The following GALNT3 variants were observed in gnomAD, a reference collection of about 807,000 sequenced individuals.
GALNT3 encodes the protein GalNAc transferase 3.
GALNT3 carries 51 observed loss-of-function variants against 69.8 expected under a neutral mutation model. The ratio of observed to expected loss-of-function variants is 0.73; its 90% CI spans 0.58 to 0.92. The LOEUF is 0.92. Ranked by LOEUF, GALNT3 falls within the 40% of genes least tolerant of loss-of-function variation. The pLI is 0.00. For synonymous variants in GALNT3, 265 were observed against 248.5 expected, an observed-to-expected ratio of 1.07 and a Z score of -0.63; for missense variants, 711 against 760.0, an observed-to-expected ratio of 0.94 and a Z score of 0.76.
intron 1 of GALNT3, among the ~76,000 whole-genome samples, chr2:165,786,686 G>A (rs1186928962): frequency 6.6e-6 from 1 of 152,112 alleles, no homozygotes; most frequent in Non-Finnish European, 1.5e-5. Context: ...AGAACTCATG[G>A]AAACAGAAGG....
At chr2:165,782,698 T>C (rs1426457289) in intron 1 of GALNT3, among the ~76,000 whole-genome samples, 3 of 152,182 alleles carry the variant, frequency 2.0e-5, no homozygotes, top group Non-Finnish European at 4.4e-5. Flanking sequence ...TTGGCCACAG[T>C]ATTTTTGGGT....
chr2:165,791,979 T>C (rs562036876), intron 1 of GALNT3, among the ~76,000 whole-genome samples: 1 of 152,258 alleles, frequency 6.6e-6, no homozygotes, highest in Non-Finnish European at 1.5e-5. Flanking sequence ...AGAAAAAAGA[T>C]AAACATCTTA....
chr2:165,757,349 A>G, intron 6 of GALNT3, 102 bp from the exon 7 acceptor site: 1 of 1,061,472 alleles, frequency 9.4e-7, no homozygotes, highest in East Asian at 2.6e-5. Context: ...AAAATTAGAG[A>G]AGAGATTACA....
chr2:165,770,387 G>C lies in GALNT3; in HGVS notation c.314C>G (p.Ala105Gly). 1.2e-6 allele frequency: 2 copies of C among 1,614,172 alleles called. No homozygotes were observed. Among genetic ancestry groups the C allele is most frequent in the South Asian group, 1.1e-5 (1 of 91,078 alleles). Reference protein sequence around the residue: ...RPCLQGYYTAAELKPVLDRPP... With the variant: ...RPCLQGYYTAGELKPVLDRPP... Reference sequence around the variant, plus strand: ...ACGGTCAAGGACAGGCTTCAATTCTGCTGCTGTATAATATCCTTGCAAACA... The same window carrying C: ...ACGGTCAAGGACAGGCTTCAATTCTCCTGCTGTATAATATCCTTGCAAACA... Residue 105 changes from alanine (A) to glycine (G), a missense_variant, in exon 2 of 11, where the codon GCA becomes GGA. Ala to Gly is a moderately conservative substitution (Grantham distance 60, BLOSUM62 0). Coordinates refer to ENST00000392701, the MANE Select transcript of GALNT3 (RefSeq NM_004482.4).
chr2:165,790,046 T>C (rs1412448358), intron 1 of GALNT3, among the ~76,000 whole-genome samples: 1 of 152,246 alleles, frequency 6.6e-6, no homozygotes, highest in Non-Finnish European at 1.5e-5. Context: ...TGTTTGTTCA[T>C]TTGTTTTTTG....
At chr2:165,765,410 C>G (rs1688620190) in intron 2 of GALNT3, among the ~76,000 whole-genome samples, 1 of 152,050 alleles carries the variant, frequency 6.6e-6, no homozygotes, top group Admixed American at 6.6e-5. Context: ...CTTATAATTG[C>G]TCAAATAAAA....
chr2:165,749,978 A>T, intron 9 of GALNT3, 84 bp from the exon 10 acceptor site: 10 of 1,182,836 alleles, frequency 8.5e-6, no homozygotes, highest in Non-Finnish European at 1.3e-5. Flanking sequence ...CAACTCGTTA[A>T]ATAATAAAGT....
chr2:165,768,078 T>C (rs1688678262), intron 2 of GALNT3, among the ~76,000 whole-genome samples: 1 of 152,102 alleles, frequency 6.6e-6, no homozygotes, highest in Non-Finnish European at 1.5e-5. Context: ...TTCACCATGT[T>C]GGCCAGGCCA....
chr2:165,768,086 C>G (rs1688678458), intron 2 of GALNT3, among the ~76,000 whole-genome samples: 1 of 151,978 alleles, frequency 6.6e-6, no homozygotes, highest in South Asian at 2.1e-4. Flanking sequence ...GTTGGCCAGG[C>G]CAGGCACAGT....
intron 1 of GALNT3, among the ~76,000 whole-genome samples, chr2:165,783,707 C>T (rs1335551015): frequency 6.6e-6 from 1 of 152,068 alleles, no homozygotes; most frequent in African/African-American, 2.4e-5. Context: ...TTTTCAAAAA[C>T]AGGTAGTGGA....
In GALNT3 at chr2:165,770,675, T is replaced by G; in HGVS notation, c.26A>C (p.Lys9Thr). ...ATGGTAATGTCTTTTAATGTGTAAT[T>G]TTACTAGTCGCTTTAGGTGAGCCAT... MAHLKRLV[K>T]LHIKRHYHKK... Residue 9 changes from lysine (K) to threonine (T), a missense_variant, in exon 2 of 11, where the codon AAA (lysine) becomes ACA (threonine). Lys to Thr is a moderately conservative substitution (Grantham distance 78). Transcript: ENST00000392701. The G allele has an allele frequency of 1.9e-6, 3 of 1,604,920 alleles. No individual in the cohort carries two copies. Among genetic ancestry groups the G allele is most frequent in the Non-Finnish European group, 2.5e-6 (3 of 1,179,304 alleles).
intron 2 of GALNT3, among the ~76,000 whole-genome samples, chr2:165,768,433 T>G (rs1247635441): frequency 6.6e-6 from 1 of 152,182 alleles, no homozygotes; most frequent in Non-Finnish European, 1.5e-5. Flanking sequence ...GTCAGTAAAG[T>G]GCAATACTGC....
intron 7 of GALNT3, among the ~76,000 whole-genome samples, chr2:165,756,261 G>C (rs1423071906): frequency 6.6e-6 from 1 of 152,086 alleles, no homozygotes; most frequent in African/African-American, 2.4e-5. Flanking sequence ...ACAAAGAGAT[G>C]AGTACTATAC....
At chr2:165,773,229 C>T (rs999718176) in intron 1 of GALNT3, among the ~76,000 whole-genome samples, 1 of 152,104 alleles carries the variant, frequency 6.6e-6, no homozygotes, top group Non-Finnish European at 1.5e-5. Context: ...GGGTGGTTTC[C>T]CCCATACTAT....
intron 2 of GALNT3, among the ~76,000 whole-genome samples, chr2:165,768,516 T>A (rs1457735694): frequency 6.6e-6 from 1 of 152,214 alleles, no homozygotes; most frequent in African/African-American, 2.4e-5. Flanking sequence ...TTATAGATAT[T>A]AGTTTCTTTA....
chr2:165,750,539 G>C (rs186353472), intron 9 of GALNT3, among the ~76,000 whole-genome samples: 96 of 152,142 alleles, frequency 6.3e-4, no homozygotes, highest in African/African-American at 1.9e-3. Context: ...TCTCACTTCC[G>C]TGTACTCACT....
intron 1 of GALNT3, among the ~76,000 whole-genome samples, chr2:165,784,367 T>G (rs1046415347): frequency 1.3e-5 from 2 of 152,052 alleles, no homozygotes; most frequent in Non-Finnish European, 2.9e-5. Flanking sequence ...AAAAACCTGA[T>G]AGGAGGCTAA....
chr2:165,755,195 C>CAGCCT, intron 7 of GALNT3, 132 bp from the exon 8 acceptor site: 1 of 828,476 alleles, frequency 1.2e-6, no homozygotes, highest in Non-Finnish European at 2.0e-6. Context: ...GGCAATTCAA[C>CAGCCT]AGCCTTCATC....
intron 8 of GALNT3, 35 bp from the exon 9 acceptor site, chr2:165,754,763 T>TA: frequency 6.7e-7 from 1 of 1,490,934 alleles, no homozygotes; most frequent in Non-Finnish European, 9.3e-7. Context: ...AAAAGTTTTT[T>TA]AATCCATGTG....
Sources: gnomAD v4.1 joint callset for allele counts (sites outside exome capture counted in the v4.1 genomes callset) on GRCh38, gnomAD v4.1.1 for gene constraint, MANE v1.5 for transcripts, NCBI Gene and HGNC (gene_info 2026-07-23, HGNC 2026-07-21) for gene names.